GPR161: variants seen among roughly 807,000 people sequenced by gnomAD.
GPR161 encodes G-protein coupled receptor RE2.
In GPR161, 25 loss-of-function variants were observed where a neutral mutation model predicts 39.2. That is an observed-to-expected ratio of 0.64 (90% CI 0.47 to 0.89). The LOEUF is 0.89. Among genes scored for constraint, GPR161 ranks in the 40% least tolerant of loss-of-function variants. GPR161 has a pLI of 0.00. For missense variants in GPR161, 547 were observed against 677.8 expected (o/e 0.81, Z 2.14); for synonymous variants, 286 against 276.6 (o/e 1.03, Z -0.34).
At chr1:168,109,091 A>T (rs1696897161) in intron 1 of GPR161, among the ~76,000 whole-genome samples, 1 of 152,250 alleles carries the variant, frequency 6.6e-6, no homozygotes, top group Admixed American at 6.5e-5. Context: ...AGTCAGAAAG[A>T]TTAAGAAATT....
chr1:168,132,901 T>G (rs1419156839), intron 1 of GPR161, among the ~76,000 whole-genome samples: 1 of 152,036 alleles, frequency 6.6e-6, no homozygotes, highest in African/African-American at 2.4e-5. Flanking sequence ...CCCACCACCA[T>G]GCCCGGCTAA....
chr1:168,121,180 C>A (rs374907623), intron 1 of GPR161, among the ~76,000 whole-genome samples: 1 of 152,230 alleles, frequency 6.6e-6, no homozygotes, highest in South Asian at 2.1e-4. Flanking sequence ...CTTTGTCTGG[C>A]ATTAATTATT....
intron 1 of GPR161, among the ~76,000 whole-genome samples, chr1:168,127,486 TA>T (rs557075188): frequency 6.2e-4 from 90 of 146,116 alleles, no homozygotes; most frequent in Admixed American, 8.9e-4. Context: ...TCCATCTCAT[TA>T]AAAAAAAAAA....
At chr1:168,101,537 A>G (rs1314851936) in intron 2 of GPR161, among the ~76,000 whole-genome samples, 1 of 152,202 alleles carries the variant, frequency 6.6e-6, no homozygotes, top group Non-Finnish European at 1.5e-5. Flanking sequence ...GATGGTGTAC[A>G]ATGACAAAGC....
intron 2 of GPR161, among the ~76,000 whole-genome samples, chr1:168,099,836 T>TTGG (rs1553262906): frequency 1.5e-4 from 14 of 95,850 alleles, no homozygotes; most frequent in Non-Finnish European, 2.1e-4. Flanking sequence ...GTTTTTTTTT[T>TTGG]GGGGGGGGGG....
At chr1:168,095,747 G>C (rs1359372615) in intron 3 of GPR161, among the ~76,000 whole-genome samples, 1 of 152,162 alleles carries the variant, frequency 6.6e-6, no homozygotes, top group Non-Finnish European at 1.5e-5. Context: ...AGGGGGTGCT[G>C]ACAAGAGGAA....
At position 168,104,789 on chromosome 1, in the gene GPR161, CCCT is replaced by C. The variant is rs1395816100; in HGVS notation, c.59_61del (p.Glu20del). 5 of 1,613,768 alleles carry C rather than the reference CCCT, an allele frequency of 3.1e-6. No homozygotes were observed. Among genetic ancestry groups the C allele is most frequent in the Non-Finnish European group, 3.4e-6 (4 of 1,179,868 alleles). Reference sequence around the variant, plus strand: ...GGTGATGATGACGCCCCCTTCGCCACCCTCCTCCTCAGTGAGATTACTCAGCTC... The same window carrying C: ...GGTGATGATGACGCCCCCTTCGCCACCCTCCTCAGTGAGATTACTCAGCTC... On this transcript the variant is annotated inframe_deletion, in exon 2 of 6. Transcript: ENST00000682931.
intron 1 of GPR161, among the ~76,000 whole-genome samples, chr1:168,111,148 T>C (rs1697135572): frequency 6.6e-6 from 1 of 152,184 alleles, no homozygotes; most frequent in African/African-American, 2.4e-5. Flanking sequence ...ATCCAACGTA[T>C]GTCCAACAGA....
chr1:168,117,665 G>T, intron 1 of GPR161, among the ~76,000 whole-genome samples: 1 of 152,210 alleles, frequency 6.6e-6, no homozygotes, highest in East Asian at 1.9e-4. Context: ...GGCTCAGAAA[G>T]GTAAGTGACT....
intron 2 of GPR161, among the ~76,000 whole-genome samples, chr1:168,104,237 A>G (rs189498475): frequency 8.1e-4 from 124 of 152,286 alleles, no homozygotes; most frequent in Admixed American, 2.5e-3. Flanking sequence ...GGTTTCTACA[A>G]TGTTTTATTT....
intron 4 of GPR161, chr1:168,087,920 C>CA (rs1436425839): frequency 6.3e-6 from 3 of 474,380 alleles, no homozygotes; most frequent in Non-Finnish European, 1.1e-5. Context: ...GTCAGCCACA[C>CA]AAAAAATGCA....
rs985031085 is a variant in GPR161 at position 168,080,223 on chromosome 1, A to G, written c.*5308T>C. On this transcript the variant is annotated 3_prime_UTR_variant, in exon 6 of 6. Coordinates refer to ENST00000682931, the MANE Select transcript of GPR161 (RefSeq NM_001375883.1). ...TAATATCTCCCAAGATCCTTGGTTT[A>G]TAATAGTTCTACATACCTAATAAAG... The G allele has an allele frequency of 2.6e-5, 4 of 152,200 alleles. No homozygotes were observed. Among genetic ancestry groups the G allele is most frequent in the African/African-American group, 4.8e-5 (2 of 41,450 alleles). 9.4% of individuals were successfully genotyped at this position (152,200 alleles called of 1,614,324 possible).
In GPR161 at chr1:168,081,960, A is replaced by T. The variant is rs1283613975; in HGVS notation, c.*3571T>A. The stretch of plus-strand genomic sequence containing the variant: ...TTGTGGTCCATCCAGAGACATGTCT[A>T]ATCTGCAAGTATCTAAGAGGCATAT... On this transcript the variant is annotated 3_prime_UTR_variant, in exon 6 of 6. Coordinates refer to ENST00000682931, the MANE Select transcript of GPR161 (RefSeq NM_001375883.1). 1 of 152,250 alleles carries T rather than the reference A, an allele frequency of 6.6e-6. No individual in the cohort carries two copies. The highest frequency in any genetic ancestry group is 6.5e-5 in the Admixed American group (1 of 15,290). 9.4% of individuals were successfully genotyped at this position (152,250 alleles called of 1,614,324 possible).
At chr1:168,126,512 C>T (rs949058755) in intron 1 of GPR161, among the ~76,000 whole-genome samples, 3 of 152,068 alleles carry the variant, frequency 2.0e-5, no homozygotes, top group Non-Finnish European at 4.4e-5. Flanking sequence ...AGTGCAGTGG[C>T]GTGATCACAG....
chr1:168,110,660 A>G (rs546911985), intron 1 of GPR161, among the ~76,000 whole-genome samples: 3 of 151,858 alleles, frequency 2.0e-5, no homozygotes, highest in African/African-American at 7.3e-5. Context: ...GTGGTGACTC[A>G]CTCCCGTAAT....
chr1:168,096,566 T>C lies in GPR161; in HGVS notation c.1041A>G (p.Glu347=). 1 of 1,614,174 alleles carries C rather than the reference T, an allele frequency of 6.2e-7. No individual in the cohort carries two copies. The highest frequency in any genetic ancestry group is 8.5e-7 in the Non-Finnish European group (1 of 1,180,008). ...AAGTCCTCTGTCGTTGCACAAATGG[T>C]TCCCGATAATACCGGTCCCCAAAGC... ...GMCFGDRYYR[E]PFVQRQRTSR... Residue 347 remains glutamate (E), a synonymous_variant, in exon 3 of 6, where the codon GAA becomes GAG. Transcript: ENST00000682931.
At chr1:168,118,227 G>A (rs560889503) in intron 1 of GPR161, among the ~76,000 whole-genome samples, 28 of 152,104 alleles carry the variant, frequency 1.8e-4, no homozygotes, top group Admixed American at 1.2e-3. Flanking sequence ...GAAAATATTC[G>A]CAAATTATGT....
rs967627930 is a variant in GPR161, at chr1:168,085,246, A to G, written c.*285T>C. 4 of 496,812 alleles carry G rather than the reference A, an allele frequency of 8.1e-6. No homozygotes were observed. The highest frequency in any genetic ancestry group is 7.9e-5 in the African/African-American group (4 of 50,640). The allele number at this position is 496,812 out of a possible 1,614,324, so 30.8% of individuals were successfully genotyped here. A position where few individuals can be genotyped will look rare whatever the true frequency, so the allele number is the denominator to read the frequency against. On this transcript the variant is annotated 3_prime_UTR_variant, in exon 6 of 6. Transcript: ENST00000682931. ...CCCCACCTCCCAAAAAGCCACAGCC[A>G]CATCTCTAGATTTTTTTTTGGTTTT... is the stretch of plus-strand genomic sequence containing the variant.
At chr1:168,100,125 T>C (rs1310743125) in intron 2 of GPR161, among the ~76,000 whole-genome samples, 2 of 150,330 alleles carry the variant, frequency 1.3e-5, no homozygotes, top group South Asian at 2.1e-4. Context: ...GAAGGATCAC[T>C]TGGGCCCAGG....
Sources: gnomAD v4.1 joint callset for allele counts (sites outside exome capture counted in the v4.1 genomes callset) on GRCh38, gnomAD v4.1.1 for gene constraint, MANE v1.5 for transcripts, NCBI Gene and HGNC (gene_info 2026-07-23, HGNC 2026-07-21) for gene names.